MKLN1: variants seen among roughly 807,000 people sequenced by gnomAD.
The protein encoded by MKLN1 is muskelin.
MKLN1 carries 18 observed loss-of-function variants against 99.0 expected under a neutral mutation model. The observed-to-expected ratio is 0.18, with a 90% CI of 0.13 to 0.27. The LOEUF is 0.27. MKLN1 is among the 10% of genes least tolerant of loss of function. The pLI, the probability that MKLN1 is intolerant of heterozygous loss-of-function variation, is 1.00. For synonymous variants in MKLN1, 288 were observed against 293.2 expected, an observed-to-expected ratio of 0.98 and a Z score of 0.18; for missense variants, 621 against 875.9, an observed-to-expected ratio of 0.71 and a Z score of 3.67.
At chr7:131,427,871 C>T (rs1451188787) in intron 8 of MKLN1, among the ~76,000 whole-genome samples, 3 of 151,898 alleles carry the variant, frequency 2.0e-5, no homozygotes, top group Non-Finnish European at 2.9e-5. Context: ...CCTATTATTG[C>T]ATGAAGAAGG....
chr7:131,220,034 CT>C (rs1797038445), intron 3 of MKLN1, among the ~76,000 whole-genome samples: 1 of 152,168 alleles, frequency 6.6e-6, no homozygotes, highest in South Asian at 2.1e-4. Flanking sequence ...ACCTTCCCCC[CT>C]CACCTCCAAT....
rs1026356413 is a variant in MKLN1, at chr7:131,328,096, C to A, written c.98+99C>A. ...GGGCAGCCGAGCCGAGAGGCCCAGG[C>A]GGGGCCTGCTGAGGGGGACGTGCGG... On this transcript the variant is annotated intron_variant, in intron 1 of 17. Transcript: ENST00000352689. 1.2e-5 allele frequency: 17 copies of A among 1,445,662 alleles called. No homozygotes were observed. The African/African-American group carries it at 2.0e-4, about 17-fold the overall frequency. The allele number at this position is 1,445,662 out of a possible 1,614,324, so 89.6% of individuals were successfully genotyped here. A position where few individuals can be genotyped will look rare whatever the true frequency, so the allele number is the denominator to read the frequency against.
chr7:131,263,031 T>C (rs1193225650), intron 3 of MKLN1, among the ~76,000 whole-genome samples: 2 of 152,146 alleles, frequency 1.3e-5, no homozygotes, highest in Admixed American at 1.3e-4. Flanking sequence ...CTGCGTTTCT[T>C]ATAAAAAGAA....
intron 3 of MKLN1, among the ~76,000 whole-genome samples, chr7:131,281,471 C>T (rs1423380481): frequency 3.3e-5 from 5 of 152,098 alleles, no homozygotes; most frequent in African/African-American, 7.2e-5. Flanking sequence ...TATGCCTCTT[C>T]CAACTTTGTT....
At chr7:131,209,789 T>TCATTTCTGGCTAGTAAG (rs1191766028) in intron 3 of MKLN1, among the ~76,000 whole-genome samples, 2 of 152,190 alleles carry the variant, frequency 1.3e-5, no homozygotes, top group Non-Finnish European at 2.9e-5. Context: ...TAGGGGTGAC[T>TCATTTCTGGCTAGTAAG]CATTTCTGGC....
intron 10 of MKLN1, among the ~76,000 whole-genome samples, chr7:131,441,618 G>A (rs191560181): frequency 3.2e-4 from 49 of 152,204 alleles, no homozygotes; most frequent in East Asian, 1.3e-3. Flanking sequence ...AATCAAAAGC[G>A]TGGAAATCGA....
intron 3 of MKLN1, among the ~76,000 whole-genome samples, chr7:131,225,362 A>G (rs1337974657): frequency 1.3e-5 from 2 of 152,146 alleles, no homozygotes; most frequent in East Asian, 3.9e-4. Flanking sequence ...TCATGACCTA[A>G]TCCCTGCTCA....
At chr7:131,435,569 T>C (rs2116462775) in intron 9 of MKLN1, among the ~76,000 whole-genome samples, 1 of 149,724 alleles carries the variant, frequency 6.7e-6, no homozygotes, top group Admixed American at 6.6e-5. Context: ...ATGAATTCAG[T>C]TTTTCAGTAT....
At chr7:131,283,697 A>G (rs1584889942) in intron 3 of MKLN1, among the ~76,000 whole-genome samples, 1 of 152,130 alleles carries the variant, frequency 6.6e-6, no homozygotes. Context: ...GGCCTCCCAA[A>G]AATGCTGGGA....
chr7:131,256,345 A>G (rs998243125), intron 3 of MKLN1, among the ~76,000 whole-genome samples: 3 of 152,254 alleles, frequency 2.0e-5, no homozygotes, highest in East Asian at 1.9e-4. Context: ...GTGGAATTCA[A>G]GTGACCCCAG....
At chr7:131,120,057 G>T (rs545816641) in intron 1 of MKLN1, among the ~76,000 whole-genome samples, 1 of 151,480 alleles carries the variant, frequency 6.6e-6, no homozygotes, top group African/African-American at 2.4e-5. Flanking sequence ...TGTAGTCCCA[G>T]CTACTCGGGA....
chr7:131,262,045 G>A (rs538457226), intron 3 of MKLN1, among the ~76,000 whole-genome samples: 3 of 152,230 alleles, frequency 2.0e-5, no homozygotes, highest in East Asian at 1.9e-4. Context: ...GGTACTATGC[G>A]TATTATCTGG....
chr7:131,209,450 A>G (rs1796867605), intron 3 of MKLN1, among the ~76,000 whole-genome samples: 1 of 152,186 alleles, frequency 6.6e-6, no homozygotes, highest in Non-Finnish European at 1.5e-5. Flanking sequence ...GTGTATGTGG[A>G]AGGCAGAGTC....
At chr7:131,334,524 G>C (rs1189705360) in intron 1 of MKLN1, among the ~76,000 whole-genome samples, 1 of 152,204 alleles carries the variant, frequency 6.6e-6, no homozygotes, top group Non-Finnish European at 1.5e-5. Flanking sequence ...ATTCTTTTCT[G>C]AGCGTCAGTT....
At chr7:131,295,731 A>C (rs752503402) in intron 3 of MKLN1, among the ~76,000 whole-genome samples, 1 of 152,038 alleles carries the variant, frequency 6.6e-6, no homozygotes, top group Non-Finnish European at 1.5e-5. Flanking sequence ...TAAAAATAAA[A>C]TAAATTAACT....
chr7:131,179,214 A>G (rs1325324218), intron 2 of MKLN1, among the ~76,000 whole-genome samples: 3 of 152,238 alleles, frequency 2.0e-5, no homozygotes, highest in Non-Finnish European at 4.4e-5. Context: ...AAGGAAGATT[A>G]TATTCCTCAC....
At position 131,167,917 on chromosome 7, in the gene MKLN1, T is replaced by G. The variant is rs553253166; in HGVS notation, c.-297+24976T>G. Among the ~76,000 whole-genome samples, 14 of 152,252 alleles carry G rather than the reference T, an allele frequency of 9.2e-5. No homozygotes were observed. In the South Asian group the frequency reaches 2.9e-3, roughly 32 times the overall value. ...CAATGTTATACTTAAAATAACAGGATCCACAACTGTATACAGTGTGATTTC... is the reference window on the plus strand; with the variant it reads ...CAATGTTATACTTAAAATAACAGGAGCCACAACTGTATACAGTGTGATTTC... On this transcript the variant is annotated intron_variant, in intron 2 of 7. Coordinates refer to the MKLN1 transcript ENST00000416992.
intron 9 of MKLN1, among the ~76,000 whole-genome samples, chr7:131,434,400 T>C (rs1795617929): frequency 6.6e-6 from 1 of 152,218 alleles, no homozygotes; most frequent in African/African-American, 2.4e-5. Context: ...TGGCTGGTAA[T>C]ATAGAGAAAT....
intron 2 of MKLN1, among the ~76,000 whole-genome samples, chr7:131,152,367 A>G (rs952966268): frequency 5.9e-5 from 9 of 152,218 alleles, no homozygotes; most frequent in Admixed American, 5.2e-4. Context: ...AAGGACTTGT[A>G]AAAAACATAA....
Sources: gnomAD v4.1 joint callset for allele counts (sites outside exome capture counted in the v4.1 genomes callset) on GRCh38, gnomAD v4.1.1 for gene constraint, MANE v1.5 for transcripts, NCBI Gene and HGNC (gene_info 2026-07-23, HGNC 2026-07-21) for gene names.